The following IMMP1L variants were observed in gnomAD, a reference collection of about 807,000 sequenced individuals.
IMMP1L encodes the protein mitochondrial inner membrane protease subunit 1.
A neutral mutation model predicts 21.8 loss-of-function variants in IMMP1L; 24 were observed. The ratio of observed to expected loss-of-function variants is 1.10; its 90% confidence interval spans 0.80 to 1.55. IMMP1L has a LOEUF of 1.55. Among genes scored for constraint, IMMP1L ranks in the 40% most tolerant of loss-of-function variants. IMMP1L has a pLI of 0.00. For missense variants in IMMP1L, 195 were observed against 200.7 expected (o/e 0.97, Z 0.17); for synonymous variants, 46 against 62.8 (o/e 0.73, Z 1.26).
chr11:31,489,750 CT>C (rs372073209), intron 1 of IMMP1L, among the ~76,000 whole-genome samples: 1,614 of 151,626 alleles, frequency 0.011, 69 homozygotes, highest in Admixed American at 0.083. Flanking sequence ...GACACTACCA[CT>C]TTTTTTTTCT....
Position 31,438,763 on chromosome 11 carries a change from C to G in IMMP1L, c.322-5193G>C, listed in dbSNP as rs141403254. Among the ~76,000 whole-genome samples the G allele has an allele frequency of 1.2e-4, 18 of 152,096 alleles. No homozygotes were observed. In the East Asian group the frequency reaches 3.5e-3, roughly 29 times the overall value. On this transcript the variant is annotated intron_variant, in intron 4 of 5. Coordinates refer to ENST00000532287, the MANE Select transcript of IMMP1L (RefSeq NM_001304274.2). Reference sequence around the variant, plus strand: ...ATTTTTCTGAATTTTTTCATTTATTCAATTGCCATATTTAACATAGATCTT... The same window carrying G: ...ATTTTTCTGAATTTTTTCATTTATTGAATTGCCATATTTAACATAGATCTT...
intron 1 of IMMP1L, among the ~76,000 whole-genome samples, chr11:31,500,825 T>C (rs1210758673): frequency 7.2e-5 from 11 of 152,220 alleles, no homozygotes; most frequent in Admixed American, 7.2e-4. Flanking sequence ...ATACATGTTA[T>C]CTGTGACTGC....
chr11:31,497,099 T>C (rs1955467914), intron 1 of IMMP1L, among the ~76,000 whole-genome samples: 3 of 151,336 alleles, frequency 2.0e-5, no homozygotes, highest in South Asian at 4.1e-4. Flanking sequence ...GTTTCACTTA[T>C]GATTTTCAAC....
chr11:31,485,145 A>G (rs575941329), intron 1 of IMMP1L, among the ~76,000 whole-genome samples: 67 of 151,978 alleles, frequency 4.4e-4, no homozygotes, highest in African/African-American at 1.6e-3. Context: ...AAATGTTTTC[A>G]TGAAGTCAAA....
chr11:31,486,433 A>C (rs1407002207), intron 1 of IMMP1L, among the ~76,000 whole-genome samples: 3 of 151,976 alleles, frequency 2.0e-5, no homozygotes, highest in African/African-American at 7.2e-5. Flanking sequence ...CTGTATCTAC[A>C]TCAATACTAT....
chr11:31,499,696 C>T (rs1226463801), intron 1 of IMMP1L, among the ~76,000 whole-genome samples: 1 of 152,114 alleles, frequency 6.6e-6, no homozygotes, highest in Admixed American at 6.5e-5. Flanking sequence ...TCAGTGTCCA[C>T]AAAGTGTTAT....
At chr11:31,495,977 T>C (rs1955418450) in intron 1 of IMMP1L, among the ~76,000 whole-genome samples, 1 of 152,058 alleles carries the variant, frequency 6.6e-6, no homozygotes, top group South Asian at 2.1e-4. Flanking sequence ...AATAAAAATA[T>C]ATAAACTAGA....
At chr11:31,454,295 T>C (rs1258909380) in intron 4 of IMMP1L, among the ~76,000 whole-genome samples, 1 of 151,748 alleles carries the variant, frequency 6.6e-6, no homozygotes, top group East Asian at 1.9e-4. Flanking sequence ...AGGGTGATTA[T>C]GGTTAACAAT....
At chr11:31,501,360 C>T (rs1013620465) in intron 1 of IMMP1L, among the ~76,000 whole-genome samples, 3 of 152,128 alleles carry the variant, frequency 2.0e-5, no homozygotes, top group African/African-American at 7.2e-5. Context: ...AGGGCTCCAC[C>T]CTCATGAATG....
intron 1 of IMMP1L, among the ~76,000 whole-genome samples, chr11:31,501,716 G>A (rs1278631714): frequency 1.3e-5 from 2 of 152,088 alleles, no homozygotes; most frequent in Non-Finnish European, 2.9e-5. Context: ...CACTTTGGGA[G>A]GCCGAGGCAG....
intron 4 of IMMP1L, among the ~76,000 whole-genome samples, chr11:31,443,125 T>C (rs1022651087): frequency 2.4e-4 from 36 of 152,346 alleles, no homozygotes; most frequent in African/African-American, 8.2e-4. Flanking sequence ...CTGTATATTC[T>C]GCTTAATCAT....
intron 4 of IMMP1L, among the ~76,000 whole-genome samples, chr11:31,455,007 T>A (rs1170616666): frequency 6.6e-6 from 1 of 152,218 alleles, no homozygotes; most frequent in East Asian, 1.9e-4. Context: ...GAAAAATATG[T>A]TACCTGACAG....
At chr11:31,483,094 A>G (rs1954956235) in intron 1 of IMMP1L, among the ~76,000 whole-genome samples, 1 of 152,030 alleles carries the variant, frequency 6.6e-6, no homozygotes, top group African/African-American at 2.4e-5. Context: ...TATATAATAC[A>G]AAAACAAGAA....
intron 1 of IMMP1L, among the ~76,000 whole-genome samples, chr11:31,505,152 A>G (rs928197799): frequency 2.0e-5 from 3 of 152,196 alleles, no homozygotes; most frequent in African/African-American, 7.2e-5. Context: ...AGAGGTGTCC[A>G]CTTGTATCAG....
At chr11:31,486,946 C>T (rs561533911) in intron 1 of IMMP1L, among the ~76,000 whole-genome samples, 1 of 151,866 alleles carries the variant, frequency 6.6e-6, no homozygotes, top group South Asian at 2.1e-4. Flanking sequence ...TACTGGTTAC[C>T]TCTAAAGAAA....
intron 1 of IMMP1L, among the ~76,000 whole-genome samples, chr11:31,465,745 G>A (rs1336596799): frequency 6.6e-6 from 1 of 151,998 alleles, no homozygotes; most frequent in Non-Finnish European, 1.5e-5. Context: ...TCCACATGTA[G>A]AAGGACAAAA....
In IMMP1L at chr11:31,494,748, C is replaced by A. The variant is rs558590050; in HGVS notation, c.-30+14771G>T. 2.0e-5 allele frequency among the ~76,000 whole-genome samples: 3 copies of A among 152,174 alleles called. No individual in the cohort carries two copies. In the South Asian group the frequency reaches 6.2e-4, roughly 32 times the overall value. ...GCTCCACCTCCCGGATTTACTTACG[C>A]CATTCTCCTGCCTAAGCCTCCCAAG... On this transcript the variant is annotated intron_variant, in intron 1 of 5. Coordinates refer to ENST00000532287, the MANE Select transcript of IMMP1L (RefSeq NM_001304274.2).
At chr11:31,444,466 A>C (rs1034500448) in intron 4 of IMMP1L, among the ~76,000 whole-genome samples, 2 of 152,206 alleles carry the variant, frequency 1.3e-5, no homozygotes, top group Non-Finnish European at 2.9e-5. Flanking sequence ...TGAATCCAAT[A>C]TAATTAAAAA....
intron 4 of IMMP1L, among the ~76,000 whole-genome samples, chr11:31,440,106 C>T (rs1195079433): frequency 6.6e-6 from 1 of 152,158 alleles, no homozygotes; most frequent in Non-Finnish European, 1.5e-5. Flanking sequence ...TACCTGTACC[C>T]TAATCTTTGT....
Sources: allele counts gnomAD v4.1 joint callset (sites outside exome capture counted in the v4.1 genomes callset), GRCh38; gene constraint gnomAD v4.1.1; transcripts MANE v1.5; gene names NCBI Gene and HGNC (gene_info 2026-07-23, HGNC 2026-07-21).